The following SIL1 variants were observed in gnomAD, a reference collection of about 807,000 sequenced individuals.
SIL1 encodes the protein SIL1 nucleotide exchange factor, also known as nucleotide exchange factor SIL1.
In SIL1, 40 loss-of-function variants were observed where a neutral mutation model predicts 49.1. The observed-to-expected ratio is 0.81, with a 90% CI of 0.63 to 1.06. The LOEUF (loss-of-function observed/expected upper bound fraction) is 1.06. Among genes scored for constraint, SIL1 ranks in the 50% least tolerant of loss-of-function variants. The pLI, the probability that SIL1 is intolerant of heterozygous loss-of-function variation, is 0.00. For missense variants in SIL1, 500 were observed against 572.6 expected, an observed-to-expected ratio of 0.87 and a Z score of 1.29; for synonymous variants, 253 against 250.8, an observed-to-expected ratio of 1.01 and a Z score of -0.08.
intron 7 of SIL1, among the ~76,000 whole-genome samples, chr5:138,985,229 T>G (rs1461322992): frequency 6.6e-6 from 1 of 152,230 alleles, no homozygotes. Flanking sequence ...GTTGTTTTTG[T>G]GTGTTTTTGG....
At chr5:139,191,677 G>A (rs1010319917) in intron 1 of SIL1, among the ~76,000 whole-genome samples, 49 of 152,060 alleles carry the variant, frequency 3.2e-4, no homozygotes, top group Admixed American at 2.6e-3. Flanking sequence ...CATGGTCCTA[G>A]CTACTTGGGA....
chr5:139,105,643 G>A (rs1561863968), intron 3 of SIL1, among the ~76,000 whole-genome samples: 2 of 152,214 alleles, frequency 1.3e-5, no homozygotes, highest in East Asian at 1.9e-4. Context: ...AGGCCCGGGA[G>A]TGCAGACATT....
chr5:139,147,542 A>G (rs764342452), intron 1 of SIL1, among the ~76,000 whole-genome samples: 2 of 152,240 alleles, frequency 1.3e-5, no homozygotes, highest in Non-Finnish European at 2.9e-5. Context: ...CATCCCATTA[A>G]CAATTCACTG....
At chr5:138,992,078 A>T (rs1319426072) in intron 7 of SIL1, among the ~76,000 whole-genome samples, 6 of 152,238 alleles carry the variant, frequency 3.9e-5, no homozygotes, top group Admixed American at 2.0e-4. Context: ...ATGGAAGGAA[A>T]GCAAGGTGCA....
At chr5:139,049,657 T>G (rs1769244240) in intron 4 of SIL1, among the ~76,000 whole-genome samples, 1 of 152,076 alleles carries the variant, frequency 6.6e-6, no homozygotes, top group Non-Finnish European at 1.5e-5. Context: ...CCAGGCATAG[T>G]GGCACACACC....
intron 3 of SIL1, among the ~76,000 whole-genome samples, chr5:139,093,412 G>A (rs149136883): frequency 2.3e-3 from 347 of 152,246 alleles, no homozygotes; most frequent in African/African-American, 8.0e-3. Flanking sequence ...AACAGGTGCC[G>A]TCCACAATCC....
chr5:138,951,139 CAA>C (rs774828761), intron 9 of SIL1, 30 bp downstream of exon 9: 5 of 1,606,814 alleles, frequency 3.1e-6, no homozygotes, highest in East Asian at 2.2e-5. Flanking sequence ...ACAAAGCAAA[CAA>C]GAGGAGACTG....
intron 1 of SIL1, among the ~76,000 whole-genome samples, chr5:139,143,370 TTTTTG>T (rs1243263880): frequency 1.4e-5 from 2 of 147,450 alleles, no homozygotes; most frequent in East Asian, 2.0e-4. Flanking sequence ...TATATATGGT[TTTTTG>T]TTTTGTTTTG....
At chr5:138,988,688 C>T (rs999583074) in intron 7 of SIL1, among the ~76,000 whole-genome samples, 1 of 152,128 alleles carries the variant, frequency 6.6e-6, no homozygotes, top group Non-Finnish European at 1.5e-5. Context: ...GCCTGACCAA[C>T]CCAGTGAAAC....
At chr5:139,035,015 A>C (rs1768870414) in intron 5 of SIL1, 1 of 186,844 alleles carries the variant, frequency 5.4e-6, no homozygotes, top group African/African-American at 2.4e-5. Context: ...TTCTCTAATG[A>C]TCAGTGATGT....
rs758512287 is a variant in SIL1, at chr5:139,042,718, G to C, written c.355C>G (p.Leu119Val). ...GTGTAGGTGTTGGTGTTGATATCCA[G>C]CCTGTCCAAAGAAAACTGAGAGTAA... ...KFRNNLKGKR[L>V]DINTNTYTSQ... Residue 119 changes from leucine (L) to valine (V), a missense_variant and splice_region_variant, in exon 5 of 10, where the codon CTG becomes GTG. Physicochemically the swap from Leu to Val is conservative, Grantham distance 32. Coordinates refer to ENST00000394817, the MANE Select transcript of SIL1 (RefSeq NM_022464.5). 1.2e-5 allele frequency: 20 copies of C among 1,613,858 alleles called. 1 individual carries two copies. The highest frequency in any genetic ancestry group is 2.7e-5 in the African/African-American group (2 of 74,860).
intron 3 of SIL1, among the ~76,000 whole-genome samples, chr5:139,094,827 A>G (rs1008911814): frequency 2.0e-5 from 3 of 152,162 alleles, no homozygotes; most frequent in Non-Finnish European, 2.9e-5. Flanking sequence ...CAATACCACA[A>G]TGCATTTACA....
intron 3 of SIL1, among the ~76,000 whole-genome samples, chr5:139,082,946 G>A (rs1310426976): frequency 6.6e-6 from 1 of 152,226 alleles, no homozygotes; most frequent in Non-Finnish European, 1.5e-5. Context: ...GAAGGCCCCA[G>A]GATACCCAGG....
At chr5:139,073,346 T>A (rs1399728404) in intron 3 of SIL1, among the ~76,000 whole-genome samples, 1 of 152,202 alleles carries the variant, frequency 6.6e-6, no homozygotes, top group Non-Finnish European at 1.5e-5. Context: ...TATGGAATAC[T>A]GTTTAACCAT....
intron 8 of SIL1, 30 bp from the exon 9 acceptor site, chr5:138,951,365 G>C: frequency 6.4e-7 from 1 of 1,550,520 alleles, no homozygotes; most frequent in Non-Finnish European, 8.7e-7. Context: ...GGTAGGTGAG[G>C]GGCCAAGCGA....
chr5:138,986,165 C>G (rs944731555), intron 7 of SIL1, among the ~76,000 whole-genome samples: 9 of 152,162 alleles, frequency 5.9e-5, no homozygotes, highest in Admixed American at 2.6e-4. Flanking sequence ...ATTATGCATC[C>G]CTGCTGGAAA....
At chr5:139,068,655 G>GAAAAA (rs745799045) in intron 3 of SIL1, among the ~76,000 whole-genome samples, 62 of 64,652 alleles carry the variant, frequency 9.6e-4, no homozygotes, top group Non-Finnish European at 1.7e-3. Context: ...GAATGAAAAG[G>GAAAAA]AAAAAAAAAA....
intron 3 of SIL1, among the ~76,000 whole-genome samples, chr5:139,070,022 C>T (rs6895819): frequency 3.3e-5 from 5 of 151,826 alleles, no homozygotes; most frequent in East Asian, 1.9e-4. Flanking sequence ...TAAGTAAGAC[C>T]GGCGGTAAAC....
intron 3 of SIL1, among the ~76,000 whole-genome samples, chr5:139,111,834 C>T (rs1292222381): frequency 1.3e-5 from 2 of 152,134 alleles, no homozygotes; most frequent in Non-Finnish European, 2.9e-5. Flanking sequence ...CACCTCTCCC[C>T]TCTCCCCACT....
Sources: gnomAD v4.1 joint callset for allele counts (sites outside exome capture counted in the v4.1 genomes callset) on GRCh38, gnomAD v4.1.1 for gene constraint, MANE v1.5 for transcripts, NCBI Gene and HGNC (gene_info 2026-07-23, HGNC 2026-07-21) for gene names.